PLXDC2: variants seen among roughly 807,000 people sequenced by gnomAD.
The protein encoded by PLXDC2 is plexin domain-containing protein 2.
In PLXDC2, 40 loss-of-function variants were observed where a neutral mutation model predicts 68.9. The observed-to-expected ratio is 0.58, with a 90% CI of 0.45 to 0.76. The LOEUF is 0.76. PLXDC2 is among the 30% of genes least tolerant of loss of function. The pLI is 0.00. For synonymous variants in PLXDC2, 243 were observed against 234.2 expected, an observed-to-expected ratio of 1.04 and a Z score of -0.34; for missense variants, 644 against 661.9, an observed-to-expected ratio of 0.97 and a Z score of 0.30.
At chr10:20,139,219 C>T (rs994704964) in intron 4 of PLXDC2, among the ~76,000 whole-genome samples, 1 of 152,204 alleles carries the variant, frequency 6.6e-6, no homozygotes, top group Non-Finnish European at 1.5e-5. Context: ...CAACTGATCT[C>T]AGAATTTGAC....
chr10:20,069,190 A>G (rs1044427995), intron 4 of PLXDC2, among the ~76,000 whole-genome samples: 1 of 152,190 alleles, frequency 6.6e-6, no homozygotes, highest in African/African-American at 2.4e-5. Context: ...TAAGACCTAG[A>G]AGATATTTAG....
At chr10:19,869,223 C>T (rs919058339) in intron 1 of PLXDC2, among the ~76,000 whole-genome samples, 39 of 152,006 alleles carry the variant, frequency 2.6e-4, no homozygotes, top group Admixed American at 1.2e-3. Context: ...ATGGAGAAAC[C>T]TCGTCTCACA....
chr10:19,897,432 AG>A (rs1232346120), intron 1 of PLXDC2, among the ~76,000 whole-genome samples: 1 of 151,536 alleles, frequency 6.6e-6, no homozygotes, highest in Non-Finnish European at 1.5e-5. Flanking sequence ...TTTAGTAGAG[AG>A]GGGGTTTCTC....
intron 6 of PLXDC2, among the ~76,000 whole-genome samples, chr10:20,157,897 T>G (rs1399846775): frequency 6.6e-6 from 1 of 152,190 alleles, no homozygotes; most frequent in East Asian, 1.9e-4. Context: ...TTAACCAGTG[T>G]GAAAGCTCCT....
At chr10:20,203,892 T>A (rs1041322204) in intron 9 of PLXDC2, among the ~76,000 whole-genome samples, 1 of 152,136 alleles carries the variant, frequency 6.6e-6, no homozygotes, top group African/African-American at 2.4e-5. Context: ...CTTATGAACA[T>A]TGGATTATAA....
chr10:20,117,904 G>T (rs1488704252), intron 4 of PLXDC2, among the ~76,000 whole-genome samples: 3 of 152,170 alleles, frequency 2.0e-5, no homozygotes, highest in Non-Finnish European at 4.4e-5. Flanking sequence ...CGGCTGAAAT[G>T]CTTTTAGACT....
At chr10:20,162,061 AGAGAGAGAGAGAAGGAAG>A (rs869150500) in intron 6 of PLXDC2, among the ~76,000 whole-genome samples, 6,116 of 112,204 alleles carry the variant, frequency 0.055, 202 homozygotes, top group Non-Finnish European at 0.071. Context: ...AGAGAGAGAG[AGAGAGAGAGAGAAGGAAG>A]GAAGGAAGGA....
At chr10:20,088,870 T>A (rs1382776581) in intron 4 of PLXDC2, among the ~76,000 whole-genome samples, 1 of 152,224 alleles carries the variant, frequency 6.6e-6, no homozygotes, top group Non-Finnish European at 1.5e-5. Flanking sequence ...TGCTAAGGAA[T>A]GCTCTATGAT....
chr10:20,115,306 G>C (rs905595621), intron 4 of PLXDC2, among the ~76,000 whole-genome samples: 2 of 152,166 alleles, frequency 1.3e-5, no homozygotes, highest in Non-Finnish European at 2.9e-5. Context: ...TCTTCCTTTT[G>C]CGAGATGGTC....
chr10:20,000,599 G>A (rs1288721416), intron 1 of PLXDC2, among the ~76,000 whole-genome samples: 2 of 152,084 alleles, frequency 1.3e-5, no homozygotes, highest in African/African-American at 4.8e-5. Context: ...TATCCTCTCT[G>A]TCTAGAAGAA....
At chr10:20,141,804 G>A (rs1465597294) in intron 4 of PLXDC2, among the ~76,000 whole-genome samples, 4 of 151,964 alleles carry the variant, frequency 2.6e-5, no homozygotes. Flanking sequence ...TAATATGCTT[G>A]AGCTGTGTGA....
chr10:19,971,994 T>C (rs1019357802), intron 1 of PLXDC2, among the ~76,000 whole-genome samples: 2 of 152,046 alleles, frequency 1.3e-5, no homozygotes, highest in Non-Finnish European at 2.9e-5. Context: ...GCATGCGTTG[T>C]GCATAGAGGG....
At position 20,287,274 on chromosome 10, in the gene PLXDC2, A is replaced by C. The variant is rs1836168270; in HGVS notation, c.*7455A>C. 1 of 152,224 alleles carries C rather than the reference A, an allele frequency of 6.6e-6. No homozygotes were observed. Among genetic ancestry groups the C allele is most frequent in the Admixed American group, 6.5e-5 (1 of 15,284 alleles). 9.4% of individuals were successfully genotyped at this position (152,224 alleles called of 1,614,324 possible). A position where few individuals can be genotyped will look rare whatever the true frequency, so the allele number is the denominator to read the frequency against. ...CCTAGAGAATTATGTGACTTGCCCT[A>C]GAGAATTAGTGAATGACCAAAAAGA... On this transcript the variant is annotated 3_prime_UTR_variant, in exon 14 of 14. Coordinates refer to ENST00000377252, the MANE Select transcript of PLXDC2 (RefSeq NM_032812.9).
intron 12 of PLXDC2, among the ~76,000 whole-genome samples, chr10:20,221,621 G>A (rs983382599): frequency 6.6e-6 from 1 of 152,180 alleles, no homozygotes; most frequent in Middle Eastern, 3.2e-3. Context: ...GACTAAGTTA[G>A]TGTGCTATTG....
At chr10:20,043,255 A>C (rs1835716096) in intron 2 of PLXDC2, 1 of 152,170 alleles carries the variant, frequency 6.6e-6, no homozygotes, top group African/African-American at 2.4e-5. Flanking sequence ...TGCCATGACA[A>C]CTTGGCAAGC....
At chr10:20,092,997 G>C (rs189564953) in intron 4 of PLXDC2, among the ~76,000 whole-genome samples, 2 of 152,200 alleles carry the variant, frequency 1.3e-5, no homozygotes, top group Non-Finnish European at 2.9e-5. Flanking sequence ...TTGGACTTCT[G>C]GTCTCCAGAA....
At chr10:20,261,440 A>C (rs2681925) in intron 13 of PLXDC2, among the ~76,000 whole-genome samples, 133,258 of 152,188 alleles carry the variant, frequency 0.88, 58,807 homozygotes, top group Middle Eastern at 0.95. Context: ...CAGAAAACTC[A>C]TAAAGATACA....
At chr10:20,104,488 C>G (rs1277029884) in intron 4 of PLXDC2, among the ~76,000 whole-genome samples, 1 of 152,126 alleles carries the variant, frequency 6.6e-6, no homozygotes, top group Non-Finnish European at 1.5e-5. Flanking sequence ...TTCTGTAATA[C>G]ATATTTTTAT....
At chr10:19,906,173 T>C (rs1833154126) in intron 1 of PLXDC2, among the ~76,000 whole-genome samples, 1 of 152,092 alleles carries the variant, frequency 6.6e-6, no homozygotes, top group Admixed American at 6.6e-5. Context: ...TGTTCACGTG[T>C]GTGTGTGCAT....
Sources: allele counts gnomAD v4.1 joint callset (sites outside exome capture counted in the v4.1 genomes callset), GRCh38; gene constraint gnomAD v4.1.1; transcripts MANE v1.5; gene names NCBI Gene and HGNC (gene_info 2026-07-23, HGNC 2026-07-21).